Variants in FLRT2 observed in about 807,000 individuals in gnomAD.
FLRT2 encodes fibronectin leucine rich transmembrane protein 2.
A neutral mutation model predicts 40.0 loss-of-function variants in FLRT2; 15 were observed. The ratio of observed to expected loss-of-function variants is 0.38; its 90% CI spans 0.25 to 0.58. The LOEUF is 0.58. Ranked by LOEUF, FLRT2 falls within the 20% of genes least tolerant of loss-of-function variation. The pLI is 0.71. For synonymous variants in FLRT2, 380 were observed against 336.8 expected (o/e 1.13, Z -1.41); for missense variants, 726 against 840.0 (o/e 0.86, Z 1.68).
intron 1 of FLRT2, among the ~76,000 whole-genome samples, chr14:85,571,248 T>C (rs1242538799): frequency 6.6e-6 from 1 of 152,236 alleles, no homozygotes; most frequent in African/African-American, 2.4e-5. Context: ...CTATCATGTT[T>C]TTATATTCTG....
chr14:85,566,725 C>T (rs931235092), intron 1 of FLRT2, among the ~76,000 whole-genome samples: 4 of 149,876 alleles, frequency 2.7e-5, no homozygotes, highest in Non-Finnish European at 4.4e-5. Context: ...AGTGTCATCT[C>T]GTGGCTGAAA....
chr14:85,604,782 C>T (rs1441081117), intron 1 of FLRT2, among the ~76,000 whole-genome samples: 1 of 152,040 alleles, frequency 6.6e-6, no homozygotes, highest in Non-Finnish European at 1.5e-5. Flanking sequence ...AAAGAAATAC[C>T]TTCAAAGAGT....
intron 1 of FLRT2, among the ~76,000 whole-genome samples, chr14:85,578,470 A>G (rs997319348): frequency 2.0e-5 from 3 of 152,042 alleles, no homozygotes; most frequent in Non-Finnish European, 4.4e-5. Flanking sequence ...AGCAATAACA[A>G]TGGTAACTGA....
chr14:85,567,090 G>C (rs1471887980), intron 1 of FLRT2, among the ~76,000 whole-genome samples: 1 of 152,172 alleles, frequency 6.6e-6, no homozygotes, highest in Non-Finnish European at 1.5e-5. Context: ...TCACTTCAAG[G>C]TAATTTTATC....
chr14:85,621,762 A>G lies in FLRT2; in HGVS notation c.248A>G (p.Glu83Gly). 6.2e-7 allele frequency: 1 copy of G among 1,614,248 alleles called. No individual in the cohort carries two copies. The highest frequency in any genetic ancestry group is 8.5e-7 in the Non-Finnish European group (1 of 1,180,044). Residue 83 changes from glutamate to glycine, a missense_variant, in exon 2 of 2, where the codon GAA becomes GGA. Physicochemically the swap from Glu to Gly is moderately conservative, Grantham distance 98. Coordinates refer to ENST00000330753, the MANE Select transcript of FLRT2 (RefSeq NM_013231.6). Reference sequence around the variant, plus strand: ...ATTAATAATGCTGGATTTCCTGCAGAACTGCACAATGTACAGTCGGTGCAC... The same window carrying G: ...ATTAATAATGCTGGATTTCCTGCAGGACTGCACAATGTACAGTCGGTGCAC... The part of the protein sequence containing the change: ...NQINNAGFPA[E>G]LHNVQSVHTV...
In FLRT2 at chr14:85,644,326, C is replaced by T. The variant is rs1894238763; in HGVS notation, c.*20829C>T. Reference sequence around the variant, plus strand: ...TTTAGAAATTTCTTTCTTTTTATCTCAATAGGCAAAGAACACTAAAGTAGT... The same window carrying T: ...TTTAGAAATTTCTTTCTTTTTATCTTAATAGGCAAAGAACACTAAAGTAGT... On this transcript the variant is annotated 3_prime_UTR_variant, in exon 2 of 2. Coordinates refer to ENST00000330753, the MANE Select transcript of FLRT2 (RefSeq NM_013231.6). 1 of 152,158 alleles carries T rather than the reference C, an allele frequency of 6.6e-6. No individual in the cohort carries two copies. The allele number at this position is 152,158 out of a possible 1,614,324, so 9.4% of individuals were successfully genotyped here. A position where few individuals can be genotyped will look rare whatever the true frequency, so the allele number is the denominator to read the frequency against.
chr14:85,638,045 T>C lies in FLRT2; in HGVS notation c.*14548T>C, dbSNP rs1328859457. On this transcript the variant is annotated 3_prime_UTR_variant, in exon 2 of 2. Transcript: ENST00000330753. The stretch of plus-strand genomic sequence containing the variant: ...CTAGATTTTCAAGAAGTGAAATGTT[T>C]AGTAACCATTATGATGGAAGCTGGG... 6.6e-6 allele frequency: 1 copy of C among 152,186 alleles called. No individual in the cohort carries two copies. Among genetic ancestry groups the C allele is most frequent in the Non-Finnish European group, 1.5e-5 (1 of 68,054 alleles). 9.4% of individuals were successfully genotyped at this position (152,186 alleles called of 1,614,324 possible). A position where few individuals can be genotyped will look rare whatever the true frequency, so the allele number is the denominator to read the frequency against.
chr14:85,577,615 C>G (rs1422464871), intron 1 of FLRT2, among the ~76,000 whole-genome samples: 1 of 151,754 alleles, frequency 6.6e-6, no homozygotes, highest in Non-Finnish European at 1.5e-5. Context: ...GAGACAGGGT[C>G]TCACCGTGTT....
intron 1 of FLRT2, among the ~76,000 whole-genome samples, chr14:85,582,915 T>C (rs924521663): frequency 3.3e-5 from 5 of 151,858 alleles, no homozygotes; most frequent in Non-Finnish European, 5.9e-5. Context: ...TAGTTTTTAC[T>C]ATATATTTCT....
chr14:85,580,441 C>T (rs1460491383), intron 1 of FLRT2, among the ~76,000 whole-genome samples: 1 of 152,104 alleles, frequency 6.6e-6, no homozygotes, highest in Non-Finnish European at 1.5e-5. Flanking sequence ...TGTGCGAGTG[C>T]ATGCATGCCC....
intron 1 of FLRT2, among the ~76,000 whole-genome samples, chr14:85,539,263 G>C (rs1242575399): frequency 6.6e-6 from 1 of 151,900 alleles, no homozygotes; most frequent in African/African-American, 2.4e-5. Flanking sequence ...GGCTACTAAG[G>C]CTGGGCATTT....
In FLRT2 at chr14:85,649,490, A is replaced by T. The variant is rs1566776138; in HGVS notation, c.*25993A>T. ...AGTGTTTTGTCAGATGAACTCCTTA[A>T]CCACATTTGTTATCAGTAGCACACA... On this transcript the variant is annotated 3_prime_UTR_variant, in exon 2 of 2. Transcript: ENST00000330753. 1 of 152,202 alleles carries T rather than the reference A, an allele frequency of 6.6e-6. No individual in the cohort carries two copies. The highest frequency in any genetic ancestry group is 1.9e-4 in the East Asian group (1 of 5,178). 9.4% of individuals were successfully genotyped at this position (152,202 alleles called of 1,614,324 possible).
intron 1 of FLRT2, among the ~76,000 whole-genome samples, chr14:85,544,585 G>T (rs1339165685): frequency 6.6e-6 from 1 of 152,128 alleles, no homozygotes; most frequent in Non-Finnish European, 1.5e-5. Context: ...GGGAAAAGAA[G>T]GCTAGAAATC....
chr14:85,623,482 G>A lies in FLRT2; in HGVS notation c.1968G>A (p.Glu656=). 2 of 1,445,060 alleles carry A rather than the reference G, an allele frequency of 1.4e-6. No homozygotes were observed. The highest frequency in any genetic ancestry group is 1.8e-6 in the Non-Finnish European group (2 of 1,098,806). 89.5% of individuals were successfully genotyped at this position (1,445,060 alleles called of 1,614,324 possible). A position where few individuals can be genotyped will look rare whatever the true frequency, so the allele number is the denominator to read the frequency against. ...GCAACAGCAGCGTGCCAGACCTGGA[G>A]CACTGCCATACGTGACAGCCAGAGG... ...RYCNSSVPDL[E]HCHT Residue 656 remains glutamate, a synonymous_variant, in exon 2 of 2, where the codon GAG becomes GAA. Transcript: ENST00000330753.
At chr14:85,569,736 G>T (rs1487552502) in intron 1 of FLRT2, among the ~76,000 whole-genome samples, 2 of 152,216 alleles carry the variant, frequency 1.3e-5, no homozygotes, top group Non-Finnish European at 2.9e-5. Context: ...GCTACACAGT[G>T]ATGAGACAAT....
chr14:85,552,634 G>A (rs974054428), intron 1 of FLRT2: 1 of 152,110 alleles, frequency 6.6e-6, no homozygotes, highest in Non-Finnish European at 1.5e-5. Flanking sequence ...TGTCCCACAG[G>A]CCTCTTCAAA....
Position 85,639,100 on chromosome 14 carries a change from A to G in FLRT2, c.*15603A>G, listed in dbSNP as rs1364252168. ...AAACTGAAACCAAAAGAATTTCCAG[A>G]GCAGGCAGTCTCTATTCTGTAACAA... On this transcript the variant is annotated 3_prime_UTR_variant, in exon 2 of 2. Transcript: ENST00000330753. The G allele has an allele frequency of 6.6e-6, 1 of 152,184 alleles. No homozygotes were observed. The highest frequency in any genetic ancestry group is 1.5e-5 in the Non-Finnish European group (1 of 68,032). The allele number at this position is 152,184 out of a possible 1,614,324, so 9.4% of individuals were successfully genotyped here. A position where few individuals can be genotyped will look rare whatever the true frequency, so the allele number is the denominator to read the frequency against.
chr14:85,571,486 T>G (rs1890890641), intron 1 of FLRT2, among the ~76,000 whole-genome samples: 1 of 152,198 alleles, frequency 6.6e-6, no homozygotes, highest in Non-Finnish European at 1.5e-5. Flanking sequence ...TTGTATAATC[T>G]CTGCTGTTCC....
chr14:85,532,325 C>G (rs1025049356), intron 1 of FLRT2, among the ~76,000 whole-genome samples: 5 of 152,202 alleles, frequency 3.3e-5, no homozygotes. Context: ...TCAGCCTCAC[C>G]GGACTTGTTA....
Sources: gnomAD v4.1 joint callset for allele counts (sites outside exome capture counted in the v4.1 genomes callset) on GRCh38, gnomAD v4.1.1 for gene constraint, MANE v1.5 for transcripts, NCBI Gene and HGNC (gene_info 2026-07-23, HGNC 2026-07-21) for gene names.